Variants in ATP10A observed in about 807,000 individuals in gnomAD.
ATP10A encodes the protein phospholipid-transporting ATPase VA.
A neutral mutation model predicts 147.8 loss-of-function variants in ATP10A; 111 were observed. The ratio of observed to expected loss-of-function variants is 0.75; its 90% CI spans 0.64 to 0.88. The LOEUF is 0.88. Among genes scored for constraint, ATP10A ranks in the 40% least tolerant of loss-of-function variants. The probability of loss-of-function intolerance (pLI) is 0.00; values close to 1 mark genes in which losing one functional copy is unlikely to be tolerated. For missense variants in ATP10A, 1,927 were observed against 1,959.0 expected, an observed-to-expected ratio of 0.98 and a Z score of 0.31; for synonymous variants, 875 against 841.6, an observed-to-expected ratio of 1.04 and a Z score of -0.69.
intron 10 of ATP10A, chr15:25,710,762 T>C (rs958809759): frequency 1.3e-5 from 2 of 152,178 alleles, no homozygotes; most frequent in Non-Finnish European, 2.9e-5. Context: ...CGCTAGGCAG[T>C]GGGCTACGGC....
intron 1 of ATP10A, among the ~76,000 whole-genome samples, chr15:25,790,895 T>C (rs2140744171): frequency 6.6e-6 from 1 of 152,276 alleles, no homozygotes; most frequent in East Asian, 1.9e-4. Flanking sequence ...AATTCATTCA[T>C]TGGTATGACA....
At chr15:25,794,065 T>C (rs1218913588) in intron 1 of ATP10A, among the ~76,000 whole-genome samples, 1 of 152,152 alleles carries the variant, frequency 6.6e-6, no homozygotes, top group Non-Finnish European at 1.5e-5. Flanking sequence ...TTCCTCTAAA[T>C]CAGAATTCTG....
intron 1 of ATP10A, among the ~76,000 whole-genome samples, chr15:25,801,983 G>A (rs977704233): frequency 9.9e-5 from 15 of 152,120 alleles, no homozygotes; most frequent in African/African-American, 3.1e-4. Flanking sequence ...TTATGTTAAC[G>A]CGGAGAACAC....
At chr15:25,765,528 G>A (rs888273294) in intron 2 of ATP10A, among the ~76,000 whole-genome samples, 1 of 152,068 alleles carries the variant, frequency 6.6e-6, no homozygotes, top group African/African-American at 2.4e-5. Context: ...CCCTCACCGC[G>A]GCACTACAGC....
chr15:25,780,995 G>A (rs1260493087), intron 2 of ATP10A, 24 bp downstream of exon 2: 9 of 1,611,026 alleles, frequency 5.6e-6, no homozygotes, highest in Non-Finnish European at 6.8e-6. Flanking sequence ...TGCCTGCAAG[G>A]CCCTGGAAAC....
chr15:25,788,555 T>C (rs1421529229), intron 1 of ATP10A, among the ~76,000 whole-genome samples: 1 of 152,254 alleles, frequency 6.6e-6, no homozygotes, highest in Non-Finnish European at 1.5e-5. Flanking sequence ...ATCTCCTGTT[T>C]TCTTTTTGAG....
At chr15:25,772,287 C>G (rs973793653) in intron 2 of ATP10A, among the ~76,000 whole-genome samples, 1 of 152,148 alleles carries the variant, frequency 6.6e-6, no homozygotes, top group East Asian at 1.9e-4. Flanking sequence ...CTCCTCCGAA[C>G]GTCCCCCACC....
chr15:25,764,202 C>T (rs750563794), intron 2 of ATP10A, among the ~76,000 whole-genome samples: 36 of 152,050 alleles, frequency 2.4e-4, no homozygotes, highest in Non-Finnish European at 3.7e-4. Context: ...TCCACTGACC[C>T]GACAAAGACT....
At chr15:25,858,267 GC>G (rs1420807927) in intron 1 of ATP10A, among the ~76,000 whole-genome samples, 2 of 152,184 alleles carry the variant, frequency 1.3e-5, no homozygotes, top group Non-Finnish European at 2.9e-5. Context: ...CTCTGCTTTT[GC>G]AAACCTTTTA....
rs201758759 is a variant in ATP10A, at chr15:25,701,969, A to T, written c.2707T>A (p.Cys903Ser). 94 of 1,613,720 alleles carry T rather than the reference A, an allele frequency of 5.8e-5. No individual in the cohort carries two copies. Among genetic ancestry groups the T allele is most frequent in the Non-Finnish European group, 4.5e-5 (53 of 1,179,848 alleles). ...TCCTCGTCGTGGTCCAGCAGTTTGCAGGCATATGCAATGTTGACAGCTGTT... is the reference window on the plus strand; with the variant it reads ...TCCTCGTCGTGGTCCAGCAGTTTGCTGGCATATGCAATGTTGACAGCTGTT... The part of the protein sequence containing the change: ...QETAVNIAYA[C>S]KLLDHDEEVI... The change falls in exon 13 of 21, where the codon TGC becomes AGC. Residue 903 changes from cysteine (C) to serine (S), a missense_variant. Coordinates refer to ENST00000555815, the MANE Select transcript of ATP10A (RefSeq NM_024490.4).
chr15:25,862,485 G>A, intron 1 of ATP10A, 163 bp downstream of exon 1: 1 of 887,010 alleles, frequency 1.1e-6, no homozygotes, highest in South Asian at 1.7e-5. Context: ...TGGCGGCGCT[G>A]TGGCTTCGGT....
At chr15:25,692,424 T>C (rs1900087042) in intron 14 of ATP10A, among the ~76,000 whole-genome samples, 1 of 152,196 alleles carries the variant, frequency 6.6e-6, no homozygotes, top group East Asian at 1.9e-4. Context: ...AAAGTTGTTA[T>C]CACTCCGTGA....
At chr15:25,763,133 G>T (rs1338544312) in intron 2 of ATP10A, among the ~76,000 whole-genome samples, 3 of 152,142 alleles carry the variant, frequency 2.0e-5, no homozygotes, top group Non-Finnish European at 4.4e-5. Flanking sequence ...TAGGGAAAGG[G>T]AAGCTTATTT....
intron 1 of ATP10A, among the ~76,000 whole-genome samples, chr15:25,815,061 T>C (rs940716016): frequency 6.6e-6 from 1 of 152,200 alleles, no homozygotes; most frequent in Non-Finnish European, 1.5e-5. Context: ...AATGTCCTGC[T>C]GGTTGTTAAA....
intron 1 of ATP10A, chr15:25,841,623 CG>C (rs1419231415): frequency 3.3e-5 from 5 of 149,756 alleles, no homozygotes; most frequent in Admixed American, 6.7e-5. Flanking sequence ...ATAGGAGTTA[CG>C]TTAAATCTAT....
At chr15:25,743,530 T>C (rs1403566773) in intron 2 of ATP10A, among the ~76,000 whole-genome samples, 1 of 152,202 alleles carries the variant, frequency 6.6e-6, no homozygotes, top group African/African-American at 2.4e-5. Flanking sequence ...TTCTTTTCCC[T>C]GAGGAGGGTC....
chr15:25,718,146 G>T, intron 8 of ATP10A, 36 bp downstream of exon 8: 1 of 1,590,636 alleles, frequency 6.3e-7, no homozygotes, highest in African/African-American at 1.3e-5. Flanking sequence ...GGGAAGAGAC[G>T]TGGCAGCACC....
chr15:25,844,619 C>T (rs1398499628), intron 1 of ATP10A, among the ~76,000 whole-genome samples: 1 of 152,182 alleles, frequency 6.6e-6, no homozygotes, highest in African/African-American at 2.4e-5. Context: ...CCAACCTGAT[C>T]CTCCTGCCCG....
chr15:25,688,494 C>A (rs1245262141), intron 15 of ATP10A, among the ~76,000 whole-genome samples: 2 of 152,182 alleles, frequency 1.3e-5, no homozygotes, highest in Admixed American at 6.5e-5. Flanking sequence ...GGTGCTTACG[C>A]AGTGAAGCCA....
Sources: gnomAD v4.1 joint callset for allele counts (sites outside exome capture counted in the v4.1 genomes callset) on GRCh38, gnomAD v4.1.1 for gene constraint, MANE v1.5 for transcripts, NCBI Gene and HGNC (gene_info 2026-07-23, HGNC 2026-07-21) for gene names.